Variants in METTL22 observed in about 807,000 individuals in gnomAD.
The protein encoded by METTL22 is methyltransferase-like protein 22.
Under a neutral mutation model 48.4 loss-of-function variants are expected in METTL22, and 51 were observed. The ratio of observed to expected loss-of-function variants is 1.05; its 90% confidence interval spans 0.84 to 1.33. The LOEUF is 1.33. METTL22 is among the 40% of genes most tolerant of loss of function. METTL22 has a pLI of 0.00. For synonymous variants in METTL22, 255 were observed against 214.1 expected (o/e 1.19, Z -1.67); for missense variants, 678 against 526.9 (o/e 1.29, Z -2.81).
intron 6 of METTL22, chr16:8,639,417 C>G (rs1161011774): frequency 7.3e-6 from 4 of 547,758 alleles, no homozygotes; most frequent in Non-Finnish European, 1.3e-5. Context: ...GGCGGCGGCC[C>G]CTGAGCTGGT....
At chr16:8,645,986 C>A (rs74009710) in intron 10 of METTL22, 122 bp from the exon 11 acceptor site, 3 of 1,205,826 alleles carry the variant, frequency 2.5e-6, no homozygotes, top group African/African-American at 1.7e-5. Context: ...TGCCCCAGCT[C>A]GCCTGCTCCG....
chr16:8,635,008 G>A (rs191859852), intron 3 of METTL22, 31 bp from the exon 4 acceptor site: 107 of 1,612,822 alleles, frequency 6.6e-5, no homozygotes, highest in Admixed American at 4.5e-4. Context: ...ATTTCACAGT[G>A]GGCATTTCTC....
the METTL22 span, among the ~76,000 whole-genome samples, chr16:8,663,238 A>G: frequency 6.8e-6 from 1 of 147,414 alleles, no homozygotes; most frequent in African/African-American, 2.5e-5. Context: ...TAGCCAAGCC[A>G]TCATCATCAT....
chr16:8,645,983 G>A lies in METTL22; in HGVS notation c.1180-125G>A, dbSNP rs116049895. On this transcript the variant is annotated intron_variant, in intron 10 of 10. Coordinates refer to ENST00000381920, the MANE Select transcript of METTL22 (RefSeq NM_024109.4). The stretch of plus-strand genomic sequence containing the variant: ...AAGCCGCCCGTCCGCTCCTGCCCCA[G>A]CTCGCCTGCTCCGTGGCTGACGTGT... 6.7e-4 allele frequency: 842 copies of A among 1,262,672 alleles called. 7 individuals are homozygous for A. In the African/African-American group the frequency reaches 0.024, roughly 36 times the overall value. 78.2% of individuals were successfully genotyped at this position (1,262,672 alleles called of 1,614,324 possible).
intron 5 of METTL22, among the ~76,000 whole-genome samples, chr16:8,636,275 C>G (rs753136832): frequency 6.6e-6 from 1 of 152,188 alleles, no homozygotes; most frequent in Non-Finnish European, 1.5e-5. Flanking sequence ...TGGCTGACAT[C>G]TGTAATCCCA....
chr16:8,666,286 G>A, the METTL22 span, among the ~76,000 whole-genome samples: 2 of 152,052 alleles, frequency 1.3e-5, no homozygotes, highest in South Asian at 2.1e-4. Context: ...GTTCTGTGCC[G>A]GCTCCCAGTG....
At position 8,621,738 on chromosome 16, in the gene METTL22, G is replaced by C. The variant is rs1047514581; in HGVS notation, c.-208G>C. Reference sequence around the variant, plus strand: ...GCGGCCGCCTAAGTCCCACAGAGACGGGAGTCGGGTGGGATCCCAGGCTGG... The same window carrying C: ...GCGGCCGCCTAAGTCCCACAGAGACCGGAGTCGGGTGGGATCCCAGGCTGG... On this transcript the variant is annotated 5_prime_UTR_variant, in exon 1 of 11. Transcript: ENST00000381920. The C allele has an allele frequency of 3.9e-5, 6 of 152,448 alleles. No individual in the cohort carries two copies. Among genetic ancestry groups the C allele is most frequent in the Non-Finnish European group, 8.8e-5 (6 of 68,112 alleles). The allele number at this position is 152,448 out of a possible 1,614,324, so 9.4% of individuals were successfully genotyped here. A position where few individuals can be genotyped will look rare whatever the true frequency, so the allele number is the denominator to read the frequency against.
chr16:8,629,807 A>C (rs2056192370), intron 3 of METTL22, among the ~76,000 whole-genome samples: 1 of 152,168 alleles, frequency 6.6e-6, no homozygotes, highest in Admixed American at 6.5e-5. Flanking sequence ...CACCGGGAGC[A>C]GTAGGGAGCT....
At chr16:8,655,035 A>G in the METTL22 span, among the ~76,000 whole-genome samples, 3 of 152,260 alleles carry the variant, frequency 2.0e-5, no homozygotes, top group Non-Finnish European at 2.9e-5. Context: ...CCTCTTCCCA[A>G]TAGTTAGAAG....
At chr16:8,652,059 TGCTGATCCCA>T (rs1396104692), downstream of METTL22, among the ~76,000 whole-genome samples, 1 of 152,192 alleles carries the variant, frequency 6.6e-6, no homozygotes, top group Non-Finnish European at 1.5e-5. Flanking sequence ...TGCTTTATCC[TGCTGATCCCA>T]GCTCCACTCC....
intron 2 of METTL22, among the ~76,000 whole-genome samples, chr16:8,628,212 G>T (rs1022427522): frequency 6.6e-6 from 1 of 152,182 alleles, no homozygotes; most frequent in South Asian, 2.1e-4. Flanking sequence ...CTCCTAAAAT[G>T]TAAGGCCCTA....
In METTL22 at chr16:8,635,906, C is replaced by G. The variant is rs571689342; in HGVS notation, c.700+594C>G. On this transcript the variant is annotated intron_variant, in intron 5 of 10. Coordinates refer to ENST00000381920, the MANE Select transcript of METTL22 (RefSeq NM_024109.4). ...CCTCCAAATGATAGCTGAAATCAAG[C>G]TGCAGCAGCACTGTATTCTGCTGAA... 1.7e-3 allele frequency among the ~76,000 whole-genome samples: 252 copies of G among 152,336 alleles called. 2 individuals are homozygous for G. Among genetic ancestry groups the G allele is most frequent in the African/African-American group, 5.9e-3 (245 of 41,586 alleles).
rs541331222 is a variant in METTL22, at chr16:8,643,707, G to A, written c.1011-850G>A. The stretch of plus-strand genomic sequence containing the variant: ...CGGCTCAGCACAAGCGCCACCTCCC[G>A]GGTTCACACCATTCTCCTGTCTCAG... On this transcript the variant is annotated intron_variant, in intron 9 of 10. Transcript: ENST00000381920. Among the ~76,000 whole-genome samples the A allele has an allele frequency of 1.8e-4, 27 of 152,106 alleles. 1 individual carries two copies. In the South Asian group the frequency reaches 5.0e-3, roughly 28 times the overall value.
chr16:8,621,808 A>T (rs2055858059), intron 1 of METTL22, 33 bp downstream of exon 1: 1 of 152,288 alleles, frequency 6.6e-6, no homozygotes, highest in African/African-American at 2.4e-5. Flanking sequence ...GGGATAGGGT[A>T]GGGTGCAGGG....
At chr16:8,623,405 C>T (rs2055927895) in intron 1 of METTL22, among the ~76,000 whole-genome samples, 2 of 152,070 alleles carry the variant, frequency 1.3e-5, no homozygotes, top group Non-Finnish European at 2.9e-5. Context: ...GGATCTTCCC[C>T]ACCCCCTTCA....
the METTL22 span, among the ~76,000 whole-genome samples, chr16:8,658,306 G>A: frequency 5.3e-5 from 8 of 152,186 alleles, no homozygotes; most frequent in African/African-American, 9.7e-5. Context: ...CCTTGATTGC[G>A]GACTTCTGGT....
intron 1 of METTL22, among the ~76,000 whole-genome samples, chr16:8,625,210 C>G (rs982528904): frequency 6.6e-6 from 1 of 151,828 alleles, no homozygotes; most frequent in African/African-American, 2.4e-5. Flanking sequence ...ACTCTCAGCT[C>G]AAGGAGAAGA....
Position 8,644,835 on chromosome 16 carries a change from C to A in METTL22, c.1179+110C>A. Reference sequence around the variant, plus strand: ...CTCCAAGCACAGGCTCCACCCTAGTCCTGCAGGGGGTGAAGCCTGCGTGCC... The same window carrying A: ...CTCCAAGCACAGGCTCCACCCTAGTACTGCAGGGGGTGAAGCCTGCGTGCC... On this transcript the variant is annotated intron_variant, in intron 10 of 10. Coordinates refer to ENST00000381920, the MANE Select transcript of METTL22 (RefSeq NM_024109.4). 2.5e-6 allele frequency: 3 copies of A among 1,202,792 alleles called. No homozygotes were observed. The East Asian group carries it at 8.8e-5, about 35-fold the overall frequency. 74.5% of individuals were successfully genotyped at this position (1,202,792 alleles called of 1,614,324 possible). A position where few individuals can be genotyped will look rare whatever the true frequency, so the allele number is the denominator to read the frequency against.
At chr16:8,652,610 G>C (rs1030655057), downstream of METTL22, among the ~76,000 whole-genome samples, 5 of 151,454 alleles carry the variant, frequency 3.3e-5, no homozygotes, top group Non-Finnish European at 5.9e-5. Flanking sequence ...CTTGAGCCAG[G>C]AGTTTGAGAC....
Sources: gnomAD v4.1 joint callset for allele counts (sites outside exome capture counted in the v4.1 genomes callset) on GRCh38, gnomAD v4.1.1 for gene constraint, MANE v1.5 for transcripts, NCBI Gene and HGNC (gene_info 2026-07-23, HGNC 2026-07-21) for gene names.